DOCK1: variants seen among roughly 807,000 people sequenced by gnomAD.
The protein encoded by DOCK1 is dedicator of cytokinesis protein 1.
In DOCK1, 138 loss-of-function variants were observed where a neutral mutation model predicts 262.7. The ratio of observed to expected loss-of-function variants is 0.53; its 90% confidence interval spans 0.46 to 0.61. DOCK1 has a LOEUF of 0.61. DOCK1 is among the 20% of genes least tolerant of loss of function. The pLI is 0.00. For synonymous variants in DOCK1, 866 were observed against 867.4 expected, an observed-to-expected ratio of 1.00 and a Z score of 0.03; for missense variants, 1,908 against 2,370.7, an observed-to-expected ratio of 0.80 and a Z score of 4.05.
At chr10:127,317,656 T>C (rs2062342727) in intron 29 of DOCK1, among the ~76,000 whole-genome samples, 1 of 152,206 alleles carries the variant, frequency 6.6e-6, no homozygotes, top group African/African-American at 2.4e-5. Flanking sequence ...CCCTCTTGAA[T>C]AGCAACTTAA....
intron 47 of DOCK1, 53 bp from the exon 48 acceptor site, chr10:127,433,230 A>T: frequency 6.2e-7 from 1 of 1,600,980 alleles, no homozygotes; most frequent in Non-Finnish European, 8.5e-7. Flanking sequence ...GAGTCTGACC[A>T]TGGCAGGCAC....
intron 29 of DOCK1, among the ~76,000 whole-genome samples, chr10:127,301,197 G>A (rs1590342500): frequency 6.6e-6 from 1 of 152,188 alleles, no homozygotes; most frequent in Non-Finnish European, 1.5e-5. Flanking sequence ...AGTGCCGCTT[G>A]AATACAGGGT....
intron 29 of DOCK1, among the ~76,000 whole-genome samples, chr10:127,283,463 C>T (rs567912276): frequency 2.3e-4 from 35 of 152,256 alleles, no homozygotes; most frequent in Non-Finnish European, 4.1e-4. Flanking sequence ...AGTTTCCTTC[C>T]GATGCATTAC....
chr10:127,291,568 C>T (rs763995973), intron 29 of DOCK1, among the ~76,000 whole-genome samples: 1 of 152,116 alleles, frequency 6.6e-6, no homozygotes, highest in Non-Finnish European at 1.5e-5. Context: ...GACAGTAGCG[C>T]CCTGTCGGGT....
chr10:127,251,260 T>A (rs1314919694), intron 28 of DOCK1, among the ~76,000 whole-genome samples: 1 of 152,158 alleles, frequency 6.6e-6, no homozygotes, highest in Non-Finnish European at 1.5e-5. Context: ...ATTACAGGCA[T>A]GAGCCACCAC....
At chr10:127,396,511 G>T (rs561180532) in intron 38 of DOCK1, among the ~76,000 whole-genome samples, 164 of 152,176 alleles carry the variant, frequency 1.1e-3, no homozygotes, top group African/African-American at 3.4e-3. Context: ...ACAACACTCC[G>T]TAAAGGATGG....
intron 38 of DOCK1, among the ~76,000 whole-genome samples, chr10:127,396,995 C>T (rs56169864): frequency 1.5e-5 from 2 of 134,138 alleles, no homozygotes; most frequent in African/African-American, 3.0e-5. Context: ...ATCAGTTACA[C>T]GGGCAGCGAC....
chr10:126,922,609 A>T (rs1283759745), intron 1 of DOCK1, among the ~76,000 whole-genome samples: 3 of 152,124 alleles, frequency 2.0e-5, no homozygotes, highest in Non-Finnish European at 4.4e-5. Context: ...AACATTGGGG[A>T]TCACATTTCC....
chr10:127,059,738 T>C (rs2045408169), intron 22 of DOCK1, among the ~76,000 whole-genome samples: 4 of 152,164 alleles, frequency 2.6e-5, no homozygotes, highest in Admixed American at 2.6e-4. Flanking sequence ...ATGATTATAG[T>C]TGTTTTGATG....
At chr10:126,959,822 T>C (rs965028240) in intron 1 of DOCK1, among the ~76,000 whole-genome samples, 30 of 151,358 alleles carry the variant, frequency 2.0e-4, no homozygotes, top group African/African-American at 7.0e-4. Flanking sequence ...TTTAGTTTCT[T>C]TCTTTTTTTT....
chr10:127,366,231 GA>G (rs1241064198), intron 33 of DOCK1, among the ~76,000 whole-genome samples: 1 of 151,754 alleles, frequency 6.6e-6, no homozygotes, highest in Non-Finnish European at 1.5e-5. Context: ...AATGAGGGCA[GA>G]AAAACTAACC....
At chr10:127,267,734 A>G (rs1374279188) in intron 29 of DOCK1, among the ~76,000 whole-genome samples, 2 of 152,152 alleles carry the variant, frequency 1.3e-5, no homozygotes, top group African/African-American at 4.8e-5. Flanking sequence ...TCTCTATTTT[A>G]TGCATGAAAC....
Position 127,026,574 on chromosome 10 carries a change from C to T in DOCK1, c.1624+150C>T. 4.1e-6 allele frequency: 3 copies of T among 737,574 alleles called. No individual in the cohort carries two copies. In the South Asian group the frequency reaches 4.9e-5, roughly 12 times the overall value. The allele number at this position is 737,574 out of a possible 1,614,324, so 45.7% of individuals were successfully genotyped here. A position where few individuals can be genotyped will look rare whatever the true frequency, so the allele number is the denominator to read the frequency against. On this transcript the variant is annotated intron_variant, in intron 16 of 51. Coordinates refer to ENST00000623213, the MANE Select transcript of DOCK1 (RefSeq NM_001290223.2). Reference sequence around the variant, plus strand: ...GAACCTATTCCTTGGAAACATTCTTCTCTCTTTTCCTTGAGCAGATCTCAG... The same window carrying T: ...GAACCTATTCCTTGGAAACATTCTTTTCTCTTTTCCTTGAGCAGATCTCAG...
chr10:127,011,253 G>C (rs2041416054), intron 11 of DOCK1, among the ~76,000 whole-genome samples: 2 of 152,170 alleles, frequency 1.3e-5, no homozygotes, highest in South Asian at 4.1e-4. Flanking sequence ...CCAGTTCTTT[G>C]GGAAATGTCG....
At chr10:127,253,639 C>T (rs115416276) in intron 28 of DOCK1, among the ~76,000 whole-genome samples, 1 of 151,844 alleles carries the variant, frequency 6.6e-6, no homozygotes, top group Non-Finnish European at 1.5e-5. Context: ...TTTGGGAGGT[C>T]GAAGCAGAAA....
At chr10:127,165,239 A>T (rs2133745902) in intron 27 of DOCK1, among the ~76,000 whole-genome samples, 1 of 152,330 alleles carries the variant, frequency 6.6e-6, no homozygotes, top group Non-Finnish European at 1.5e-5. Context: ...GTGTGTTTTT[A>T]GATCAAGCTT....
intron 31 of DOCK1, among the ~76,000 whole-genome samples, chr10:127,347,512 C>A (rs575316261): frequency 6.6e-6 from 1 of 152,090 alleles, no homozygotes; most frequent in Non-Finnish European, 1.5e-5. Flanking sequence ...AAGGGCATGG[C>A]GCCATCTACA....
At chr10:126,947,174 T>C (rs993867238) in intron 1 of DOCK1, among the ~76,000 whole-genome samples, 3 of 152,236 alleles carry the variant, frequency 2.0e-5, no homozygotes, top group Non-Finnish European at 4.4e-5. Context: ...TCCATGGTGT[T>C]TCTGGTCTTT....
chr10:127,207,127 CTTCCCTCA>C (rs1351237260), intron 27 of DOCK1, among the ~76,000 whole-genome samples: 1 of 152,200 alleles, frequency 6.6e-6, no homozygotes, highest in Non-Finnish European at 1.5e-5. Flanking sequence ...AAAATACAGC[CTTCCCTCA>C]TTCTCCAGTC....
Sources: gnomAD v4.1 joint callset for allele counts (sites outside exome capture counted in the v4.1 genomes callset) on GRCh38, gnomAD v4.1.1 for gene constraint, MANE v1.5 for transcripts, NCBI Gene and HGNC (gene_info 2026-07-23, HGNC 2026-07-21) for gene names.